The following SLC25A26 variants were observed in gnomAD, a reference collection of about 807,000 sequenced individuals.
The protein encoded by SLC25A26 is solute carrier family 25 member 26, also known as mitochondrial S-adenosylmethionine carrier protein.
SLC25A26 carries 36 observed loss-of-function variants against 37.8 expected under a neutral mutation model. The ratio of observed to expected loss-of-function variants is 0.95; its 90% CI spans 0.73 to 1.26. The LOEUF (loss-of-function observed/expected upper bound fraction) is 1.26, where lower values mean the gene tolerates loss of function less well. Ranked by LOEUF, SLC25A26 falls within the 50% of genes most tolerant of loss-of-function variation. SLC25A26 has a pLI of 0.00. For synonymous variants in SLC25A26, 129 were observed against 122.5 expected (o/e 1.05, Z -0.35); for missense variants, 390 against 331.1 (o/e 1.18, Z -1.38).
At chr3:66,285,986 A>G (rs1050135056) in intron 5 of SLC25A26, among the ~76,000 whole-genome samples, 2 of 152,188 alleles carry the variant, frequency 1.3e-5, no homozygotes, top group Non-Finnish European at 2.9e-5. Context: ...ATCTTTTCAT[A>G]TGCTTATTTG....
intron 1 of SLC25A26, among the ~76,000 whole-genome samples, chr3:66,192,070 A>T (rs1373162718): frequency 6.6e-6 from 1 of 151,982 alleles, no homozygotes; most frequent in Non-Finnish European, 1.5e-5. Context: ...TAATCCCAGC[A>T]CTTTGAGAGG....
chr3:66,222,152 T>G (rs1286276976), intron 1 of SLC25A26, among the ~76,000 whole-genome samples: 3 of 151,914 alleles, frequency 2.0e-5, no homozygotes, highest in Non-Finnish European at 4.4e-5. Context: ...ATAAGGTAGG[T>G]CTTAGAAATA....
intron 5 of SLC25A26, among the ~76,000 whole-genome samples, chr3:66,317,995 G>C (rs1030897074): frequency 1.3e-5 from 2 of 152,216 alleles, no homozygotes; most frequent in African/African-American, 4.8e-5. Flanking sequence ...TGGAGCTGCA[G>C]TGATGGCGGC....
At chr3:66,335,242 A>G (rs985338347) in intron 5 of SLC25A26, among the ~76,000 whole-genome samples, 11 of 151,614 alleles carry the variant, frequency 7.3e-5, no homozygotes, top group Admixed American at 2.0e-4. Context: ...GTAGATCTCA[A>G]CATCTGGATG....
chr3:66,153,968 G>A (rs548468548), intron 1 of SLC25A26, among the ~76,000 whole-genome samples: 1 of 152,296 alleles, frequency 6.6e-6, no homozygotes, highest in East Asian at 1.9e-4. Context: ...GATAGGGGAG[G>A]AAAATAAGAT....
At chr3:66,345,477 C>G (rs1245352789) in intron 5 of SLC25A26, among the ~76,000 whole-genome samples, 1 of 151,522 alleles carries the variant, frequency 6.6e-6, no homozygotes, top group Admixed American at 6.6e-5. Flanking sequence ...CTTCTGTCTT[C>G]TGTCCTCCTC....
intron 5 of SLC25A26, among the ~76,000 whole-genome samples, chr3:66,311,780 G>A (rs1261972173): frequency 3.9e-5 from 6 of 152,108 alleles, no homozygotes; most frequent in Admixed American, 2.6e-4. Flanking sequence ...TTTGCTGGAC[G>A]TTCATTTCAG....
At chr3:66,281,991 T>A (rs1284462684) in intron 5 of SLC25A26, among the ~76,000 whole-genome samples, 1 of 142,506 alleles carries the variant, frequency 7.0e-6, no homozygotes, top group East Asian at 2.0e-4. Flanking sequence ...CCCAACTGAT[T>A]TTGCATTTTT....
intron 1 of SLC25A26, among the ~76,000 whole-genome samples, chr3:66,157,163 G>A (rs890295062): frequency 3.9e-5 from 6 of 152,184 alleles, no homozygotes; most frequent in African/African-American, 1.4e-4. Flanking sequence ...GGGCCTGGGA[G>A]GTCGAGGCTT....
intron 5 of SLC25A26, among the ~76,000 whole-genome samples, chr3:66,340,772 T>G (rs1038639344): frequency 6.6e-6 from 1 of 152,160 alleles, no homozygotes; most frequent in Non-Finnish European, 1.5e-5. Context: ...TCAAATATTG[T>G]CAATACTCCA....
upstream of SLC25A26, among the ~76,000 whole-genome samples, chr3:66,220,004 GAGAATA>G (rs1401772922): frequency 1.3e-5 from 2 of 152,190 alleles, no homozygotes; most frequent in Non-Finnish European, 2.9e-5. Flanking sequence ...TTACCTAGAA[GAGAATA>G]AGAATAATTA....
chr3:66,169,496 C>T lies in SLC25A26; in HGVS notation c.-354+35512C>T, dbSNP rs534413056. 8.5e-5 allele frequency among the ~76,000 whole-genome samples: 13 copies of T among 152,268 alleles called. No homozygotes were observed. In the East Asian group the frequency reaches 2.5e-3, roughly 29 times the overall value. ...ACTCTCCAGGGATGCCTTCCTTGTC[C>T]CACCCCATCTAAAATAGCCACCAGC... is the stretch of plus-strand genomic sequence containing the variant. On this transcript the variant is annotated intron_variant, in intron 1 of 10. Coordinates refer to the SLC25A26 transcript ENST00000676754.
At position 66,294,794 on chromosome 3, in the gene SLC25A26, A is replaced by G. The variant is rs1240949603; in HGVS notation, c.453+31415A>G. Among the ~76,000 whole-genome samples, 3 of 152,206 alleles carry G rather than the reference A, an allele frequency of 2.0e-5. No individual in the cohort carries two copies. The East Asian group carries it at 5.8e-4, about 29-fold the overall frequency. The stretch of plus-strand genomic sequence containing the variant: ...CCTATTTACTATGGGTCATTTACTG[A>G]TTACCACACGTAATTGTTAGGAAAG... On this transcript the variant is annotated intron_variant, in intron 5 of 9. Coordinates refer to ENST00000354883, the MANE Select transcript of SLC25A26 (RefSeq NM_001379210.1).
chr3:66,303,647 C>T (rs758653764), intron 5 of SLC25A26, among the ~76,000 whole-genome samples: 8 of 152,168 alleles, frequency 5.3e-5, no homozygotes, highest in Non-Finnish European at 5.9e-5. Flanking sequence ...TCTAGAGGTG[C>T]AGTAGATGAT....
chr3:66,261,863 GC>G (rs988896901), intron 3 of SLC25A26, among the ~76,000 whole-genome samples, 187 bp from the exon 4 acceptor site: 26 of 151,736 alleles, frequency 1.7e-4, no homozygotes, highest in African/African-American at 6.1e-4. Flanking sequence ...AAGGTTCTGG[GC>G]TGACAAAACA....
In SLC25A26 at chr3:66,239,821, T is replaced by C. The variant is rs868993762; in HGVS notation, c.190+3121T>C. The stretch of plus-strand genomic sequence containing the variant: ...TTAATGAGTTTCCTTTCTTTCTTTT[T>C]TTTTTTTTTTTTTTTTTTTAACAGT... On this transcript the variant is annotated intron_variant, in intron 2 of 9. Coordinates refer to ENST00000354883, the MANE Select transcript of SLC25A26 (RefSeq NM_001379210.1). 2.1e-3 allele frequency among the ~76,000 whole-genome samples: 279 copies of C among 132,600 alleles called. 1 individual carries two copies. Among genetic ancestry groups the C allele is most frequent in the African/African-American group, 6.1e-3 (237 of 39,022 alleles). 87.0% of individuals were successfully genotyped at this position (132,600 alleles called of 152,430 possible).
chr3:66,342,434 AT>A (rs2076230604), intron 5 of SLC25A26, among the ~76,000 whole-genome samples: 2 of 152,138 alleles, frequency 1.3e-5, no homozygotes, highest in Non-Finnish European at 2.9e-5. Context: ...TTGTAATGTA[AT>A]TTTTTAATTG....
intron 1 of SLC25A26, among the ~76,000 whole-genome samples, chr3:66,177,578 G>A (rs984040500): frequency 6.6e-6 from 1 of 152,176 alleles, no homozygotes; most frequent in Non-Finnish European, 1.5e-5. Context: ...CCTATGTAGA[G>A]CCTATGCTGT....
At chr3:66,150,545 A>ATAT (rs1559551802) in intron 1 of SLC25A26, among the ~76,000 whole-genome samples, 22 of 130,360 alleles carry the variant, frequency 1.7e-4, no homozygotes, top group African/African-American at 5.4e-4. Flanking sequence ...ATATATATAT[A>ATAT]AAATATATAT....
Sources: allele counts gnomAD v4.1 joint callset (sites outside exome capture counted in the v4.1 genomes callset), GRCh38; gene constraint gnomAD v4.1.1; transcripts MANE v1.5; gene names NCBI Gene and HGNC (gene_info 2026-07-23, HGNC 2026-07-21).